The following ANAPC1 variants were observed in gnomAD, a reference collection of about 807,000 sequenced individuals.
The protein encoded by ANAPC1 is anaphase promoting complex subunit 1.
In ANAPC1, 36 loss-of-function variants were observed where a neutral mutation model predicts 208.0. That is an observed-to-expected ratio of 0.17 (90% CI 0.13 to 0.23). ANAPC1 has a LOEUF of 0.23. Ranked by LOEUF, ANAPC1 falls within the 10% of genes least tolerant of loss-of-function variation. ANAPC1 has a pLI of 1.00. For missense variants in ANAPC1, 942 were observed against 2,011.6 expected (o/e 0.47, Z 10.17); for synonymous variants, 378 against 695.2 (o/e 0.54, Z 7.18).
In ANAPC1 at chr2:111,810,598, T is replaced by C. The variant is rs962596648; in HGVS notation, c.3598-1417A>G. Among the ~76,000 whole-genome samples the C allele has an allele frequency of 3.5e-5, 5 of 144,816 alleles. No individual in the cohort carries two copies. The East Asian group carries it at 1.0e-3, about 29-fold the overall frequency. ...TTAGAGTGTGGGGGAGCAAGAAGAGTGGGGCTGGGTGCAGAGGCTCACGCC... is the reference window on the plus strand; with the variant it reads ...TTAGAGTGTGGGGGAGCAAGAAGAGCGGGGCTGGGTGCAGAGGCTCACGCC... On this transcript the variant is annotated intron_variant, in intron 28 of 47. Coordinates refer to ENST00000341068, the MANE Select transcript of ANAPC1 (RefSeq NM_022662.4).
intron 21 of ANAPC1, among the ~76,000 whole-genome samples, chr2:111,827,806 A>T (rs1177234545): frequency 4.6e-5 from 7 of 152,266 alleles, no homozygotes; most frequent in Admixed American, 3.3e-4. Flanking sequence ...TATAATGAGG[A>T]AACCAAAAAC....
intron 10 of ANAPC1, among the ~76,000 whole-genome samples, chr2:111,859,104 A>C (rs1327517184): frequency 6.6e-6 from 1 of 152,192 alleles, no homozygotes; most frequent in East Asian, 1.9e-4. Flanking sequence ...TATTTCTCCT[A>C]TCTACCCCCT....
intron 37 of ANAPC1, among the ~76,000 whole-genome samples, chr2:111,792,920 T>G (rs1183192237): frequency 6.6e-6 from 1 of 151,922 alleles, no homozygotes; most frequent in Non-Finnish European, 1.5e-5. Flanking sequence ...GCCACTGCAC[T>G]CCAGCCTGGG....
chr2:111,812,043 A>ATTCT (rs1253447274), intron 28 of ANAPC1, among the ~76,000 whole-genome samples: 1 of 104,406 alleles, frequency 9.6e-6, no homozygotes, highest in African/African-American at 3.8e-5. Context: ...TCCTGTTAGA[A>ATTCT]GAGTTCGACC....
At chr2:111,858,789 CTT>C (rs1681889664) in intron 10 of ANAPC1, among the ~76,000 whole-genome samples, 1 of 144,012 alleles carries the variant, frequency 6.9e-6, no homozygotes, top group Non-Finnish European at 1.5e-5. Context: ...AAAAAAAAGT[CTT>C]TGAAAATATT....
intron 19 of ANAPC1, 49 bp downstream of exon 19, chr2:111,834,555 C>A: frequency 1.9e-6 from 2 of 1,025,668 alleles, no homozygotes; most frequent in Admixed American, 3.2e-5. Context: ...ATGGAAAAGA[C>A]AGTCATCTCA....
At chr2:111,831,600 G>C (rs1680134827) in intron 20 of ANAPC1, among the ~76,000 whole-genome samples, 166 bp from the exon 21 acceptor site, 1 of 151,926 alleles carries the variant, frequency 6.6e-6, no homozygotes, top group Non-Finnish European at 1.5e-5. Context: ...AGTACTTTGG[G>C]AGGCCCAAGC....
intron 9 of ANAPC1, 108 bp from the exon 10 acceptor site, chr2:111,862,706 G>A (rs544719066): frequency 3.5e-5 from 50 of 1,428,972 alleles, no homozygotes; most frequent in Non-Finnish European, 4.5e-5. Flanking sequence ...GAGCATTCAT[G>A]GCATAATCCA....
intron 20 of ANAPC1, among the ~76,000 whole-genome samples, chr2:111,832,950 A>AAAAAAAAAAAAAAAAAC: frequency 6.7e-6 from 1 of 149,954 alleles, no homozygotes; most frequent in Non-Finnish European, 1.5e-5. Flanking sequence ...AAAAAAAAAA[A>AAAAAAAAAAAAAAAAAC]AAAAAAGCAT....
At chr2:111,825,414 C>T (rs1264548522) in intron 22 of ANAPC1, among the ~76,000 whole-genome samples, 1 of 152,152 alleles carries the variant, frequency 6.6e-6, no homozygotes, top group Non-Finnish European at 1.5e-5. Flanking sequence ...CCCTGCAGAA[C>T]CTGCATATGG....
intron 30 of ANAPC1, among the ~76,000 whole-genome samples, chr2:111,804,278 T>C (rs1371138289): frequency 5.1e-5 from 5 of 98,188 alleles, no homozygotes; most frequent in South Asian, 7.7e-4. Context: ...CCATATCAAA[T>C]AGCTACTATT....
chr2:111,798,760 C>T (rs1470564907), intron 34 of ANAPC1, among the ~76,000 whole-genome samples: 16 of 152,278 alleles, frequency 1.1e-4, no homozygotes, highest in Admixed American at 1.3e-4. Flanking sequence ...ACAGGCCAGG[C>T]GTGGTGGCTC....
chr2:111,825,302 G>T, intron 22 of ANAPC1, 135 bp from the exon 23 acceptor site: 3 of 1,298,558 alleles, frequency 2.3e-6, no homozygotes, highest in Non-Finnish European at 3.2e-6. Flanking sequence ...GCAATACTGT[G>T]GCAGGCTGAA....
chr2:111,846,793 C>T (rs896542297), intron 16 of ANAPC1, among the ~76,000 whole-genome samples: 1 of 151,918 alleles, frequency 6.6e-6, no homozygotes, highest in Non-Finnish European at 1.5e-5. Context: ...TAGTCTCAAA[C>T]TACCGACCTC....
intron 3 of ANAPC1, 101 bp downstream of exon 3, chr2:111,878,709 A>G: frequency 6.7e-7 from 1 of 1,494,776 alleles, no homozygotes; most frequent in East Asian, 2.3e-5. Context: ...AGCTGCTGAG[A>G]TCATTAGGCT....
chr2:111,841,852 AC>A (rs977498068), intron 17 of ANAPC1, among the ~76,000 whole-genome samples: 6 of 152,202 alleles, frequency 3.9e-5, no homozygotes, highest in South Asian at 2.1e-4. Flanking sequence ...TTTGAAAAAA[AC>A]ATTCCCATTT....
At chr2:111,834,552 A>T in intron 19 of ANAPC1, 52 bp downstream of exon 19, 4 of 971,232 alleles carry the variant, frequency 4.1e-6, no homozygotes, top group Admixed American at 3.4e-5. Flanking sequence ...TATATGGAAA[A>T]GACAGTCATC....
At chr2:111,878,461 T>C (rs1683129011) in intron 3 of ANAPC1, among the ~76,000 whole-genome samples, 1 of 152,224 alleles carries the variant, frequency 6.6e-6, no homozygotes, top group Non-Finnish European at 1.5e-5. Context: ...TTTTTATTTA[T>C]TCAAATCTTT....
intron 1 of ANAPC1, among the ~76,000 whole-genome samples, chr2:111,882,106 C>T (rs1260492512): frequency 6.6e-6 from 1 of 151,888 alleles, no homozygotes; most frequent in Non-Finnish European, 1.5e-5. Flanking sequence ...ATGGCGTGAA[C>T]CCAGGAGGCG....
Sources: allele counts gnomAD v4.1 joint callset (sites outside exome capture counted in the v4.1 genomes callset), GRCh38; gene constraint gnomAD v4.1.1; transcripts MANE v1.5; gene names NCBI Gene and HGNC (gene_info 2026-07-23, HGNC 2026-07-21).